Variants in PCDH9 observed in about 807,000 individuals in gnomAD.
The protein encoded by PCDH9 is protocadherin 9.
In PCDH9, 24 loss-of-function variants were observed where a neutral mutation model predicts 70.6. The observed-to-expected ratio is 0.34, with a 90% CI of 0.25 to 0.48. The LOEUF is 0.48. Ranked by LOEUF, PCDH9 falls within the 20% of genes least tolerant of loss-of-function variation. The probability of loss-of-function intolerance (pLI) is 0.99; values close to 1 mark genes in which losing one functional copy is unlikely to be tolerated. For synonymous variants in PCDH9, 562 were observed against 558.5 expected (o/e 1.01, Z -0.09); for missense variants, 1,281 against 1,503.6 (o/e 0.85, Z 2.45).
chr13:66,628,876 CA>C (rs1189657141), intron 4 of PCDH9, among the ~76,000 whole-genome samples: 2 of 152,112 alleles, frequency 1.3e-5, no homozygotes, highest in Non-Finnish European at 2.9e-5. Context: ...GGCTAAAAGA[CA>C]AAAAATTCTA....
intron 2 of PCDH9, among the ~76,000 whole-genome samples, chr13:67,102,738 A>T (rs1159035928): frequency 1.3e-5 from 2 of 152,166 alleles, no homozygotes; most frequent in Non-Finnish European, 2.9e-5. Context: ...GAACTGCTGG[A>T]TATAAAACAT....
At chr13:66,696,918 T>G (rs377239029) in intron 3 of PCDH9, among the ~76,000 whole-genome samples, 1 of 150,420 alleles carries the variant, frequency 6.6e-6, no homozygotes, top group African/African-American at 2.4e-5. Context: ...CTGGGCAACA[T>G]AGTGAGACCT....
intron 4 of PCDH9, among the ~76,000 whole-genome samples, chr13:66,481,857 T>C (rs1439897875): frequency 3.3e-5 from 5 of 152,150 alleles, no homozygotes; most frequent in Admixed American, 2.0e-4. Flanking sequence ...AAGAGGTTTG[T>C]TTGAAAGATA....
intron 4 of PCDH9, among the ~76,000 whole-genome samples, chr13:66,375,355 A>T (rs1026127261): frequency 6.6e-6 from 1 of 151,902 alleles, no homozygotes; most frequent in Admixed American, 6.6e-5. Context: ...TATTATTTTT[A>T]CTCACTCATT....
At chr13:66,621,331 G>A (rs867764839) in intron 4 of PCDH9, among the ~76,000 whole-genome samples, 2 of 152,312 alleles carry the variant, frequency 1.3e-5, no homozygotes, top group Non-Finnish European at 1.5e-5. Context: ...AATGTTAACA[G>A]GTCTACATGG....
intron 2 of PCDH9, among the ~76,000 whole-genome samples, chr13:67,166,367 T>C (rs2088116714): frequency 6.6e-6 from 1 of 152,182 alleles, no homozygotes; most frequent in Non-Finnish European, 1.5e-5. Context: ...ACAAACTGAA[T>C]TCATAAAATC....
chr13:67,080,335 T>A (rs1459282368), intron 2 of PCDH9, among the ~76,000 whole-genome samples: 2 of 152,246 alleles, frequency 1.3e-5, no homozygotes, highest in East Asian at 3.9e-4. Flanking sequence ...ATTAACAAAT[T>A]ACCCAATAAA....
chr13:66,340,158 C>T (rs1430234623), intron 4 of PCDH9, among the ~76,000 whole-genome samples: 2 of 152,150 alleles, frequency 1.3e-5, no homozygotes, highest in Non-Finnish European at 2.9e-5. Context: ...ATATTATTTT[C>T]AAATATTTCA....
At chr13:66,436,703 A>G (rs1957872673) in intron 4 of PCDH9, among the ~76,000 whole-genome samples, 1 of 152,144 alleles carries the variant, frequency 6.6e-6, no homozygotes, top group African/African-American at 2.4e-5. Flanking sequence ...TTAAATTGTC[A>G]TAATTGTTGA....
In PCDH9 at chr13:66,910,590, C is replaced by T. The variant is rs77272410; in HGVS notation, c.3037-6985G>A. On this transcript the variant is annotated intron_variant, in intron 2 of 4. Coordinates refer to ENST00000377865, the MANE Select transcript of PCDH9 (RefSeq NM_203487.3). ...AAAAAATGCTAAGGATCTTAAAGTC[C>T]GAAGTAATTCAGTAAGTGGATTAAG... Among the ~76,000 whole-genome samples, 119 of 152,090 alleles carry T rather than the reference C, an allele frequency of 7.8e-4. 1 individual carries two copies. The East Asian group carries it at 0.021, about 27-fold the overall frequency.
chr13:66,678,618 C>T (rs1447539915), intron 3 of PCDH9, among the ~76,000 whole-genome samples: 1 of 152,004 alleles, frequency 6.6e-6, no homozygotes, highest in East Asian at 1.9e-4. Context: ...GGACCAGGCA[C>T]TGTTCTAAAC....
rs188702971 is a variant in PCDH9, at chr13:66,815,118, C to T, written c.3138+88386G>A. On this transcript the variant is annotated intron_variant, in intron 3 of 4. Transcript: ENST00000377865. ...TTCAAAAGTGGGCAAAGGACCTAAA[C>T]AGACAATTTTCAAAAGAAGAGATAC... Among the ~76,000 whole-genome samples the T allele has an allele frequency of 1.2e-3, 190 of 152,156 alleles. 1 individual carries two copies. Among genetic ancestry groups the T allele is most frequent in the African/African-American group, 4.3e-3 (180 of 41,560 alleles).
At chr13:67,206,160 T>A (rs534998428) in intron 2 of PCDH9, 2 of 145,606 alleles carry the variant, frequency 1.4e-5, no homozygotes, top group Non-Finnish European at 3.0e-5. Context: ...ACTGTTAAAG[T>A]TTTTTTTTTT....
At chr13:66,902,187 A>T (rs1428107373) in intron 3 of PCDH9, among the ~76,000 whole-genome samples, 1 of 151,606 alleles carries the variant, frequency 6.6e-6, no homozygotes, top group East Asian at 1.9e-4. Context: ...GGCTTTGGAT[A>T]AAAAAAGAAA....
intron 4 of PCDH9, among the ~76,000 whole-genome samples, chr13:66,493,583 G>A (rs1232401934): frequency 6.6e-6 from 1 of 152,026 alleles, no homozygotes; most frequent in Non-Finnish European, 1.5e-5. Flanking sequence ...CAGAATAAAT[G>A]CAAATAACTG....
At chr13:66,694,938 C>G (rs1054919959) in intron 3 of PCDH9, among the ~76,000 whole-genome samples, 3 of 148,482 alleles carry the variant, frequency 2.0e-5, no homozygotes, top group African/African-American at 5.0e-5. Context: ...GAGTCTTGCT[C>G]TGTCGCCCAG....
intron 2 of PCDH9, among the ~76,000 whole-genome samples, chr13:67,018,151 CA>C (rs1351810492): frequency 6.6e-6 from 1 of 152,212 alleles, no homozygotes; most frequent in South Asian, 2.1e-4. Flanking sequence ...ATTCATTCAG[CA>C]AATACTAATT....
chr13:66,365,826 AT>A (rs1216899538), intron 4 of PCDH9, among the ~76,000 whole-genome samples: 1 of 151,928 alleles, frequency 6.6e-6, no homozygotes, highest in Non-Finnish European at 1.5e-5. Flanking sequence ...TTAAATGTGA[AT>A]TTTTCTCTTC....
chr13:67,167,193 A>T (rs1446543165), intron 2 of PCDH9, among the ~76,000 whole-genome samples: 1 of 152,154 alleles, frequency 6.6e-6, no homozygotes, highest in African/African-American at 2.4e-5. Context: ...TAAGCACATG[A>T]TGAAGTGGTT....
Sources: allele counts gnomAD v4.1 joint callset (sites outside exome capture counted in the v4.1 genomes callset), GRCh38; gene constraint gnomAD v4.1.1; transcripts MANE v1.5; gene names NCBI Gene and HGNC (gene_info 2026-07-23, HGNC 2026-07-21).